NEK10: variants seen among roughly 807,000 people sequenced by gnomAD.
The protein encoded by NEK10 is serine/threonine-protein kinase Nek10.
Under a neutral mutation model 159.8 loss-of-function variants are expected in NEK10, and 122 were observed. The observed-to-expected ratio is 0.76, with a 90% CI of 0.66 to 0.89. NEK10 has a LOEUF of 0.89. Among genes scored for constraint, NEK10 ranks in the 40% least tolerant of loss-of-function variants. The probability of loss-of-function intolerance (pLI) is 0.00; values close to 1 mark genes in which losing one functional copy is unlikely to be tolerated. For synonymous variants in NEK10, 466 were observed against 457.1 expected, an observed-to-expected ratio of 1.02 and a Z score of -0.25; for missense variants, 1,342 against 1,323.1, an observed-to-expected ratio of 1.01 and a Z score of -0.22.
rs1432975817 is a variant in NEK10, at chr3:27,174,353, G to A, written c.2776+86C>T. 5 of 1,594,950 alleles carry A rather than the reference G, an allele frequency of 3.1e-6. No homozygotes were observed. In the African/African-American group the frequency reaches 6.8e-5, roughly 22 times the overall value. On this transcript the variant is annotated intron_variant, in intron 28 of 35. Coordinates refer to ENST00000691995, the MANE Select transcript of NEK10 (RefSeq NM_001394966.1). ...AAACAAACCACTGGGTTATGTATAT[G>A]GTGATATTTGCTTGACTCAAGTATG...
At chr3:27,262,703 C>T (rs1269343970) in intron 22 of NEK10, among the ~76,000 whole-genome samples, 1 of 152,186 alleles carries the variant, frequency 6.6e-6, no homozygotes, top group Non-Finnish European at 1.5e-5. Flanking sequence ...AAGGACTTCT[C>T]TGCATTGATT....
intron 23 of NEK10, among the ~76,000 whole-genome samples, chr3:27,206,166 A>G (rs1385008610): frequency 8.5e-5 from 13 of 152,196 alleles, no homozygotes; most frequent in Admixed American, 8.5e-4. Context: ...TTAGAGAGAC[A>G]CAAGCATTCA....
intron 26 of NEK10, among the ~76,000 whole-genome samples, chr3:27,180,748 A>G (rs1003856037): frequency 6.6e-6 from 1 of 152,160 alleles, no homozygotes; most frequent in East Asian, 1.9e-4. Context: ...GAAAGAATTA[A>G]AAGTCAAGAA....
At chr3:27,311,909 G>C in intron 8 of NEK10, 190 bp downstream of exon 8, 1 of 542,112 alleles carries the variant, frequency 1.8e-6, no homozygotes, top group Non-Finnish European at 3.3e-6. Context: ...GGTAAAGGTT[G>C]TAATCTAAAC....
chr3:27,160,071 A>G (rs1327981993), intron 30 of NEK10, among the ~76,000 whole-genome samples: 1 of 152,136 alleles, frequency 6.6e-6, no homozygotes, highest in Non-Finnish European at 1.5e-5. Flanking sequence ...AAGCGAGACC[A>G]AATGTTAAGT....
chr3:27,364,158 G>A (rs1490677965), intron 1 of NEK10, among the ~76,000 whole-genome samples: 1 of 151,590 alleles, frequency 6.6e-6, no homozygotes, highest in East Asian at 1.9e-4. Flanking sequence ...TTCATTTGAA[G>A]AGTTTGTGTA....
At chr3:27,187,095 T>C (rs1368680165) in intron 26 of NEK10, among the ~76,000 whole-genome samples, 1 of 152,112 alleles carries the variant, frequency 6.6e-6, no homozygotes, top group East Asian at 1.9e-4. Context: ...TAAGCCATGA[T>C]GATAAAAGAG....
chr3:27,323,661 C>T (rs1428558795), intron 5 of NEK10, among the ~76,000 whole-genome samples: 1 of 151,986 alleles, frequency 6.6e-6, no homozygotes, highest in African/African-American at 2.4e-5. Flanking sequence ...TCCAAAATAC[C>T]ATCATCAGAT....
intron 12 of NEK10, 31 bp downstream of exon 12, chr3:27,304,716 G>A: frequency 7.1e-7 from 1 of 1,417,376 alleles, no homozygotes; most frequent in Non-Finnish European, 1.0e-6. Flanking sequence ...AACAAACAGG[G>A]CAAAGTAGGC....
chr3:27,284,625 C>T lies in NEK10; in HGVS notation c.1991G>A (p.Gly664Glu). 1 of 1,596,646 alleles carries T rather than the reference C, an allele frequency of 6.3e-7. No homozygotes were observed. The highest frequency in any genetic ancestry group is 8.6e-7 in the Non-Finnish European group (1 of 1,164,188). Reference sequence around the variant, plus strand: ...ACTAACGGTTACTTTGTCCTTATCCCCCAACATAATGTTGTTTGGTGTCAG... The same window carrying T: ...ACTAACGGTTACTTTGTCCTTATCCTCCAACATAATGTTGTTTGGTGTCAG... The part of the protein sequence containing the change: ...RDLTPNNIML[G>E]DKDKVTVTDF... Residue 664 changes from glycine (G) to glutamate (E), a missense_variant, in exon 22 of 36, where the codon GGG becomes GAG. Gly to Glu is a moderately conservative substitution (Grantham distance 98). Transcript: ENST00000691995.
intron 20 of NEK10, among the ~76,000 whole-genome samples, chr3:27,285,262 G>A (rs1415586068): frequency 6.6e-6 from 1 of 152,094 alleles, no homozygotes; most frequent in East Asian, 1.9e-4. Context: ...ATTGAAAGGT[G>A]CCACAGAGAA....
intron 15 of NEK10, among the ~76,000 whole-genome samples, chr3:27,294,713 T>C (rs2043227874): frequency 6.6e-6 from 1 of 152,078 alleles, no homozygotes; most frequent in Admixed American, 6.6e-5. Context: ...GGATGATAAC[T>C]CTTAAATCAG....
At chr3:27,340,714 A>G (rs1418279692) in intron 5 of NEK10, among the ~76,000 whole-genome samples, 1 of 152,148 alleles carries the variant, frequency 6.6e-6, no homozygotes, top group East Asian at 1.9e-4. Flanking sequence ...CTAACAGATG[A>G]GGATGTGGAT....
chr3:27,267,288 T>A (rs1390644253), intron 22 of NEK10, among the ~76,000 whole-genome samples: 6 of 152,190 alleles, frequency 3.9e-5, no homozygotes, highest in Non-Finnish European at 7.3e-5. Flanking sequence ...GTCTTAAAAT[T>A]TGCTCCTTCT....
intron 23 of NEK10, among the ~76,000 whole-genome samples, chr3:27,205,106 T>C (rs550192585): frequency 6.6e-6 from 1 of 152,314 alleles, no homozygotes; most frequent in Admixed American, 6.5e-5. Context: ...CATAAATGTC[T>C]TCTTTTGAGA....
intron 26 of NEK10, among the ~76,000 whole-genome samples, chr3:27,181,734 T>C (rs1307626923): frequency 6.6e-6 from 1 of 152,202 alleles, no homozygotes; most frequent in Non-Finnish European, 1.5e-5. Flanking sequence ...ATTATTTGTC[T>C]TCTCTCACTA....
In NEK10 at chr3:27,111,171, C is replaced by A. The variant is rs957068874; in HGVS notation, c.*101G>T. The A allele has an allele frequency of 2.6e-6, 3 of 1,146,102 alleles. No individual in the cohort carries two copies. In the African/African-American group the frequency reaches 4.6e-5, roughly 18 times the overall value. The allele number at this position is 1,146,102 out of a possible 1,614,324, so 71.0% of individuals were successfully genotyped here. On this transcript the variant is annotated 3_prime_UTR_variant, in exon 36 of 36. Coordinates refer to ENST00000691995, the MANE Select transcript of NEK10 (RefSeq NM_001394966.1). The stretch of plus-strand genomic sequence containing the variant: ...CCATGGCATCTTGGTCTTTTCCACA[C>A]CCTCTAGCAGCACCCAATCCTTGGG...
chr3:27,229,123 G>A (rs537480418), intron 23 of NEK10, among the ~76,000 whole-genome samples: 78 of 152,276 alleles, frequency 5.1e-4, no homozygotes, highest in African/African-American at 1.8e-3. Flanking sequence ...TCAAGAGAAT[G>A]AGATAAGCTT....
chr3:27,123,650 A>G (rs537508800), intron 32 of NEK10, among the ~76,000 whole-genome samples: 29 of 152,306 alleles, frequency 1.9e-4, no homozygotes, highest in African/African-American at 6.3e-4. Flanking sequence ...ATGTCCACCT[A>G]GATACATGTA....
Sources: gnomAD v4.1 joint callset for allele counts (sites outside exome capture counted in the v4.1 genomes callset) on GRCh38, gnomAD v4.1.1 for gene constraint, MANE v1.5 for transcripts, NCBI Gene and HGNC (gene_info 2026-07-23, HGNC 2026-07-21) for gene names.